Variants in SBNO2 observed in about 807,000 individuals in gnomAD.
SBNO2 encodes protein strawberry notch homolog 2.
Under a neutral mutation model 146.3 loss-of-function variants are expected in SBNO2, and 89 were observed. The observed-to-expected ratio is 0.61, with a 90% CI of 0.51 to 0.73. The LOEUF is 0.73. SBNO2 is among the 30% of genes least tolerant of loss of function. The pLI is 0.00. For synonymous variants in SBNO2, 1,147 were observed against 892.6 expected (o/e 1.29, Z -5.08); for missense variants, 2,092 against 2,003.7 (o/e 1.04, Z -0.84).
At chr19:1,163,871 G>A (rs1261337881) in intron 1 of SBNO2, among the ~76,000 whole-genome samples, 1 of 152,216 alleles carries the variant, frequency 6.6e-6, no homozygotes, top group East Asian at 1.9e-4. Flanking sequence ...GAACGGCAGT[G>A]GCCCCGGTTG....
Position 1,112,395 on chromosome 19 carries a change from G to GGGGGGGGCC in SBNO2, c.2515+6_2515+7insGGCCCCCCC, listed in dbSNP as rs1468279359. The GGGGGGGGCC allele has an allele frequency of 1.9e-6, 3 of 1,598,436 alleles. No homozygotes were observed. The highest frequency in any genetic ancestry group is 1.7e-6 in the Non-Finnish European group (2 of 1,175,894). ...CCAGGCAGCGCTGGGGGCGGGGCCG[G>GGGGGGGGCC]ACTCACCGAACTGCTGGATGGCGCG... On this transcript the variant is annotated splice_region_variant and intron_variant, in intron 21 of 31. Coordinates refer to ENST00000361757, the MANE Select transcript of SBNO2 (RefSeq NM_014963.3). The surrounding 1 kb of genome is among the most constrained non-coding windows in gnomAD (Gnocchi z 5.9).
chr19:1,136,659 T>G lies in SBNO2; in HGVS notation c.280-8894A>C, dbSNP rs971329095. On this transcript the variant is annotated intron_variant, in intron 4 of 31. Transcript: ENST00000361757. The surrounding 1 kb of genome is among the most constrained non-coding windows in gnomAD (Gnocchi z 4.2). ...TCCCTCCTTCGCTCCCTCATCTCTC[T>G]CCCTCTTTTTTGCCCAATGCCAGTA... Among the ~76,000 whole-genome samples, 10 of 152,176 alleles carry G rather than the reference T, an allele frequency of 6.6e-5. No homozygotes were observed. Among genetic ancestry groups the G allele is most frequent in the South Asian group, 2.1e-4 (1 of 4,828 alleles).
chr19:1,163,964 G>A (rs1393610279), intron 1 of SBNO2, among the ~76,000 whole-genome samples: 2 of 152,210 alleles, frequency 1.3e-5, no homozygotes, highest in Non-Finnish European at 1.5e-5. Flanking sequence ...AAGGTGTACT[G>A]GCCAGACTCA....
chr19:1,120,875 G>A (rs1457738634), intron 11 of SBNO2, among the ~76,000 whole-genome samples: 1 of 148,268 alleles, frequency 6.7e-6, no homozygotes, highest in Admixed American at 6.8e-5. Flanking sequence ...CACCATATTG[G>A]TCAAGACAGT....
At chr19:1,159,789 TGGGGGAACAGC>T (rs1392467218) in intron 1 of SBNO2, among the ~76,000 whole-genome samples, 1 of 36,788 alleles carries the variant, frequency 2.7e-5, no homozygotes, top group Non-Finnish European at 5.1e-5. Flanking sequence ...TGGGGGACAG[TGGGGGAACAGC>T]GGGGGGACAG....
chr19:1,160,271 C>T (rs2080331205), intron 1 of SBNO2, among the ~76,000 whole-genome samples: 1 of 152,158 alleles, frequency 6.6e-6, no homozygotes, highest in Non-Finnish European at 1.5e-5. Context: ...CGCTCACGGT[C>T]CCCAGGCCCT....
rs1043013860 is a variant in SBNO2 at position 1,136,016 on chromosome 19, G to GT, written c.280-8252dup. The stretch of plus-strand genomic sequence containing the variant: ...AATCCGGTCCTTGCAGATGTGAGTG[G>GT]TTAAAAAAAAAAAGGCCGCACTGGC... On this transcript the variant is annotated intron_variant, in intron 4 of 31. Transcript: ENST00000361757. The surrounding 1 kb of genome is among the most constrained non-coding windows in gnomAD (Gnocchi z 4.2). Among the ~76,000 whole-genome samples, 5 of 151,510 alleles carry GT rather than the reference G, an allele frequency of 3.3e-5. No homozygotes were observed. Among genetic ancestry groups the GT allele is most frequent in the African/African-American group, 1.2e-4 (5 of 41,362 alleles).
In SBNO2 at chr19:1,157,420, C is replaced by A. The variant is rs189962909; in HGVS notation, c.-126-3018G>T. Among the ~76,000 whole-genome samples, 1 of 136,034 alleles carries A rather than the reference C, an allele frequency of 7.4e-6. No homozygotes were observed. Among genetic ancestry groups the A allele is most frequent in the Non-Finnish European group, 1.6e-5 (1 of 60,860 alleles). 89.2% of individuals were successfully genotyped at this position (136,034 alleles called of 152,430 possible). On this transcript the variant is annotated intron_variant, in intron 1 of 31. Transcript: ENST00000361757. This position sits in a 1 kb window ranked among gnomAD's most constrained non-coding sequence, Gnocchi z 6.8. ...GCTCTCCCCACGCGGCCCCGGAGAC[C>A]CTCTCCCCACGCGGCCCCGGTGACA...
Position 1,109,185 on chromosome 19 carries a change from G to C in SBNO2, c.3375C>G (p.Pro1125=), listed in dbSNP as rs1167911379. 1.2e-5 allele frequency: 19 copies of C among 1,562,558 alleles called. No individual in the cohort carries two copies. In the East Asian group the frequency reaches 4.3e-4, roughly 35 times the overall value. The part of the protein sequence containing the change: ...HRVTAEEAKE[P]WESGYALSLT... ...GCGACAAAGCGTAGCCACTCTCCCA[G>C]GGCTCCTTGGCCTCCTCCGCGGTGA... Residue 1125 remains proline, a synonymous_variant, in exon 30 of 32, where the codon CCC becomes CCG. Transcript: ENST00000361757. The surrounding 1 kb of genome is among the most constrained non-coding windows in gnomAD (Gnocchi z 4.2).
chr19:1,141,048 C>T (rs191472610), intron 4 of SBNO2, among the ~76,000 whole-genome samples: 12 of 151,436 alleles, frequency 7.9e-5, no homozygotes, highest in South Asian at 4.2e-4. Context: ...CCGGAGAAGA[C>T]GCACCCCGGA....
At position 1,173,581 on chromosome 19, in the gene SBNO2, A is replaced by C. The variant is rs2080501841; in HGVS notation, c.-127+591T>G. 6.6e-6 allele frequency: 1 copy of C among 152,340 alleles called. No individual in the cohort carries two copies. 9.4% of individuals were successfully genotyped at this position (152,340 alleles called of 1,614,324 possible). A position where few individuals can be genotyped will look rare whatever the true frequency, so the allele number is the denominator to read the frequency against. ...GGCAAGGGTCCTGGGACCGGGGACA[A>C]GGAGGAGGAAGGGGCACGAACGCCC... On this transcript the variant is annotated intron_variant, in intron 1 of 31. Transcript: ENST00000361757. The surrounding 1 kb of genome is among the most constrained non-coding windows in gnomAD (Gnocchi z 4.7).
At chr19:1,172,965 G>C (rs1235628841) in intron 1 of SBNO2, among the ~76,000 whole-genome samples, 1 of 150,872 alleles carries the variant, frequency 6.6e-6, no homozygotes, top group South Asian at 2.1e-4. Context: ...GCAGCCAGGG[G>C]AGGCCCCGGC....
intron 1 of SBNO2, among the ~76,000 whole-genome samples, chr19:1,169,835 G>A (rs535359421): frequency 3.9e-5 from 6 of 152,126 alleles, no homozygotes; most frequent in Non-Finnish European, 8.8e-5. Flanking sequence ...TGACTCAACG[G>A]TTTCAACGTA....
At chr19:1,168,577 G>T (rs1238465908) in intron 1 of SBNO2, 1 of 152,288 alleles carries the variant, frequency 6.6e-6, no homozygotes, top group African/African-American at 2.4e-5. Flanking sequence ...CCCTCTCACA[G>T]CGTAGGGAGG....
intron 1 of SBNO2, among the ~76,000 whole-genome samples, chr19:1,163,293 A>T (rs1025162863): frequency 2.6e-5 from 4 of 152,174 alleles, no homozygotes; most frequent in Non-Finnish European, 5.9e-5. Flanking sequence ...AGACGGCCGC[A>T]TGGAGACGGA....
In SBNO2 at chr19:1,136,152, T is replaced by A. The variant is rs2080082992; in HGVS notation, c.280-8387A>T. On this transcript the variant is annotated intron_variant, in intron 4 of 31. Transcript: ENST00000361757. This position sits in a 1 kb window ranked among gnomAD's most constrained non-coding sequence, Gnocchi z 4.2. ...CAGCCCTGCGGCCACAGCCAGGGGA[T>A]GCCCGGATCCCCCAGATGCTGGAGG... 6.6e-6 allele frequency among the ~76,000 whole-genome samples: 1 copy of A among 152,066 alleles called. No homozygotes were observed. Among genetic ancestry groups the A allele is most frequent in the African/African-American group, 2.4e-5 (1 of 41,402 alleles).
Position 1,108,130 on chromosome 19 carries a change from T to G in SBNO2, c.*90A>C, listed in dbSNP as rs2079694128. On this transcript the variant is annotated 3_prime_UTR_variant, in exon 32 of 32. Coordinates refer to ENST00000361757, the MANE Select transcript of SBNO2 (RefSeq NM_014963.3). ...CAGGGCCTAGGGCTCCTCTGAGCAG[T>G]GGTCAGGGGACCTTGGCCCTGCTCC... 8 of 1,335,886 alleles carry G rather than the reference T, an allele frequency of 6.0e-6. No homozygotes were observed. Among genetic ancestry groups the G allele is most frequent in the African/African-American group, 1.6e-5 (1 of 63,376 alleles). 82.8% of individuals were successfully genotyped at this position (1,335,886 alleles called of 1,614,324 possible).
chr19:1,122,827 G>A (rs2079919149), intron 8 of SBNO2, 36 bp from the exon 9 acceptor site: 5 of 1,537,604 alleles, frequency 3.3e-6, no homozygotes, highest in Admixed American at 2.0e-5. Context: ...GCCTGGGGGT[G>A]CTGGCCCGGC....
At position 1,123,980 on chromosome 19, in the gene SBNO2, G is replaced by A; in HGVS notation, c.484C>T (p.Leu162=). ...SRPFAGFEDF[L]PSHSTPLLVS... The stretch of plus-strand genomic sequence containing the variant: ...AGAAGCGGGGTGCTGTGGGAGGGCA[G>A]AAAGTCCTCGAAGCCTGCAAACGGC... Residue 162 remains leucine, a synonymous_variant, in exon 6 of 32, where the codon CTG becomes TTG. Transcript: ENST00000361757. The A allele has an allele frequency of 1.2e-6, 2 of 1,612,116 alleles. No homozygotes were observed. Among genetic ancestry groups the A allele is most frequent in the Non-Finnish European group, 1.7e-6 (2 of 1,179,412 alleles).
Sources: gnomAD v4.1 joint callset for allele counts (sites outside exome capture counted in the v4.1 genomes callset) on GRCh38, gnomAD v4.1.1 for gene constraint, Gnocchi (gnomAD v3.1) non-coding constraint, MANE v1.5 for transcripts, NCBI Gene and HGNC (gene_info 2026-07-23, HGNC 2026-07-21) for gene names.